Variants in PPP2R2B observed in about 807,000 individuals in gnomAD.
PPP2R2B encodes the protein serine/threonine-protein phosphatase 2A 55 kDa regulatory subunit B beta isoform.
PPP2R2B carries 5 observed loss-of-function variants against 46.0 expected under a neutral mutation model. The observed-to-expected ratio is 0.11, with a 90% CI of 0.06 to 0.23. The LOEUF (loss-of-function observed/expected upper bound fraction) is 0.23, where lower values mean the gene tolerates loss of function less well. PPP2R2B is among the 10% of genes least tolerant of loss of function. PPP2R2B has a pLI of 1.00. For missense variants in PPP2R2B, 367 were observed against 575.0 expected (o/e 0.64, Z 3.70); for synonymous variants, 215 against 206.7 (o/e 1.04, Z -0.34).
chr5:146,701,629 T>C (rs1218265936), intron 2 of PPP2R2B, among the ~76,000 whole-genome samples: 2 of 152,152 alleles, frequency 1.3e-5, no homozygotes, highest in East Asian at 1.9e-4. Flanking sequence ...AAAGAAATCA[T>C]TGGGAAAACT....
intron 7 of PPP2R2B, among the ~76,000 whole-genome samples, chr5:146,604,005 T>C (rs890922477): frequency 2.6e-5 from 4 of 152,200 alleles, no homozygotes; most frequent in Admixed American, 2.6e-4. Context: ...TATAGTATAT[T>C]AGCTAGAGTC....
At chr5:146,601,726 C>T (rs935664391) in intron 7 of PPP2R2B, among the ~76,000 whole-genome samples, 6 of 152,170 alleles carry the variant, frequency 3.9e-5, no homozygotes, top group African/African-American at 1.4e-4. Flanking sequence ...TTTGTATAAA[C>T]TTAATGGGTA....
At chr5:146,947,201 T>C (rs993973390) in intron 1 of PPP2R2B, among the ~76,000 whole-genome samples, 1 of 152,186 alleles carries the variant, frequency 6.6e-6, no homozygotes, top group African/African-American at 2.4e-5. Context: ...TCAGTGGATA[T>C]TTGTTATATT....
intron 2 of PPP2R2B, among the ~76,000 whole-genome samples, chr5:146,744,210 C>T (rs1753042104): frequency 6.6e-6 from 1 of 152,172 alleles, no homozygotes; most frequent in African/African-American, 2.4e-5. Flanking sequence ...ACACCATCCC[C>T]TGCCCCCACC....
intron 1 of PPP2R2B, among the ~76,000 whole-genome samples, chr5:146,920,121 T>C (rs1332841698): frequency 6.6e-6 from 1 of 152,254 alleles, no homozygotes; most frequent in East Asian, 1.9e-4. Flanking sequence ...AAGGTTATAG[T>C]AATTATTACA....
At chr5:146,595,798 T>A (rs1201745818) in intron 8 of PPP2R2B, among the ~76,000 whole-genome samples, 1 of 152,202 alleles carries the variant, frequency 6.6e-6, no homozygotes, top group Non-Finnish European at 1.5e-5. Flanking sequence ...TTAAAACTCA[T>A]CCTATTTGAT....
At chr5:146,774,603 G>C (rs567627988) in intron 2 of PPP2R2B, among the ~76,000 whole-genome samples, 109 of 152,198 alleles carry the variant, frequency 7.2e-4, no homozygotes, top group Admixed American at 2.3e-3. Context: ...GATCACCTGA[G>C]GTCTGGAGTT....
intron 2 of PPP2R2B, among the ~76,000 whole-genome samples, chr5:146,835,475 C>T (rs1561945162): frequency 6.6e-6 from 1 of 152,162 alleles, no homozygotes; most frequent in Non-Finnish European, 1.5e-5. Context: ...CAAACATGTA[C>T]ATCTTTGGTT....
intron 5 of PPP2R2B, among the ~76,000 whole-genome samples, chr5:146,665,578 T>C: frequency 6.6e-6 from 1 of 152,226 alleles, no homozygotes; most frequent in East Asian, 1.9e-4. Flanking sequence ...GAAGGTTATT[T>C]TGCATTCTTA....
chr5:146,632,667 G>A (rs770462313), intron 7 of PPP2R2B, among the ~76,000 whole-genome samples: 6 of 152,340 alleles, frequency 3.9e-5, no homozygotes, highest in Non-Finnish European at 8.8e-5. Flanking sequence ...ATAGAGTGAT[G>A]AGATTGAGAG....
intron 7 of PPP2R2B, among the ~76,000 whole-genome samples, chr5:146,604,480 T>C (rs1418305071): frequency 6.6e-6 from 1 of 152,052 alleles, no homozygotes; most frequent in Non-Finnish European, 1.5e-5. Flanking sequence ...GGAAGAGAAC[T>C]AAGGGAGAGA....
At chr5:146,695,287 ATTT>A (rs1038866828) in intron 4 of PPP2R2B, among the ~76,000 whole-genome samples, 1 of 151,310 alleles carries the variant, frequency 6.6e-6, no homozygotes, top group East Asian at 1.9e-4. Context: ...GTTTTTCTAT[ATTT>A]TTTTTTCCAT....
chr5:146,884,314 T>C (rs892991311), intron 1 of PPP2R2B, among the ~76,000 whole-genome samples: 1 of 152,154 alleles, frequency 6.6e-6, no homozygotes, highest in African/African-American at 2.4e-5. Context: ...AAATCCTACC[T>C]TTCCCTGAGG....
rs781142522 is a variant in PPP2R2B, at chr5:146,600,357, G to C, written c.894C>G (p.Thr298=). Residue 298 remains threonine (T), a synonymous_variant, in exon 8 of 10, where the codon ACC becomes ACG. Transcript: ENST00000394411. The stretch of plus-strand genomic sequence containing the variant: ...AGACTTTGACGGTCAAGTAGTCCCT[G>C]GTCATGATATACCTCCCACTGTGGC... ...KFSHSGRYIM[T]RDYLTVKVWD... The C allele has an allele frequency of 1.2e-6, 2 of 1,613,722 alleles. No individual in the cohort carries two copies. The highest frequency in any genetic ancestry group is 2.7e-5 in the African/African-American group (2 of 74,854).
At chr5:146,953,096 C>T (rs1176762089) in intron 1 of PPP2R2B, among the ~76,000 whole-genome samples, 3 of 152,106 alleles carry the variant, frequency 2.0e-5, no homozygotes, top group Admixed American at 6.6e-5. Context: ...GTTACATGCC[C>T]TCCTGCTAAT....
At chr5:146,999,035 A>G (rs938702780) in intron 1 of PPP2R2B, among the ~76,000 whole-genome samples, 65 of 151,586 alleles carry the variant, frequency 4.3e-4, no homozygotes, top group African/African-American at 1.5e-3. Flanking sequence ...AAAAAAAAAA[A>G]AAAGAGTCAA....
At chr5:146,739,665 G>A (rs1752750802) in intron 2 of PPP2R2B, among the ~76,000 whole-genome samples, 1 of 152,194 alleles carries the variant, frequency 6.6e-6, no homozygotes, top group South Asian at 2.1e-4. Flanking sequence ...AAGAAGCTAC[G>A]ATTATAATTT....
chr5:146,786,180 C>A (rs1755827883), intron 2 of PPP2R2B, among the ~76,000 whole-genome samples: 1 of 151,840 alleles, frequency 6.6e-6, no homozygotes, highest in African/African-American at 2.4e-5. Flanking sequence ...ATCAATAAAA[C>A]TATAATAAAT....
chr5:146,731,244 G>A (rs1752210432), intron 2 of PPP2R2B, among the ~76,000 whole-genome samples: 3 of 152,214 alleles, frequency 2.0e-5, no homozygotes, highest in African/African-American at 7.2e-5. Context: ...ATGTTTTCAG[G>A]TATACAGAAT....
Sources: gnomAD v4.1 joint callset for allele counts (sites outside exome capture counted in the v4.1 genomes callset) on GRCh38, gnomAD v4.1.1 for gene constraint, MANE v1.5 for transcripts, NCBI Gene and HGNC (gene_info 2026-07-23, HGNC 2026-07-21) for gene names.